The following FRMD6 variants were observed in gnomAD, a reference collection of about 807,000 sequenced individuals.
FRMD6 encodes the protein FERM domain-containing protein 6.
A neutral mutation model predicts 73.2 loss-of-function variants in FRMD6; 37 were observed. The ratio of observed to expected loss-of-function variants is 0.51; its 90% confidence interval spans 0.39 to 0.66. FRMD6 has a LOEUF of 0.66. FRMD6 is among the 30% of genes least tolerant of loss of function. FRMD6 has a pLI of 0.00. For synonymous variants in FRMD6, 273 were observed against 282.2 expected, an observed-to-expected ratio of 0.97 and a Z score of 0.33; for missense variants, 714 against 780.5, an observed-to-expected ratio of 0.91 and a Z score of 1.02.
At chr14:51,484,500 C>T (rs1054136899), upstream of FRMD6, among the ~76,000 whole-genome samples, 1 of 152,194 alleles carries the variant, frequency 6.6e-6, no homozygotes, top group Non-Finnish European at 1.5e-5. Flanking sequence ...AACTTCACTA[C>T]CACCACCAGA....
chr14:51,687,593 A>T (rs2140342926), intron 1 of FRMD6, among the ~76,000 whole-genome samples: 1 of 152,314 alleles, frequency 6.6e-6, no homozygotes, highest in Non-Finnish European at 1.5e-5. Context: ...AGTTTGAGAT[A>T]TACTGCATTA....
chr14:51,457,228 G>C, the FRMD6 span, among the ~76,000 whole-genome samples: 2 of 152,062 alleles, frequency 1.3e-5, no homozygotes, highest in Non-Finnish European at 2.9e-5. Context: ...ATGTATCAAA[G>C]CATCACAATA....
At chr14:51,410,281 T>G in the FRMD6 span, among the ~76,000 whole-genome samples, 5 of 152,326 alleles carry the variant, frequency 3.3e-5, no homozygotes, top group South Asian at 2.1e-4. Context: ...CACCTGTATC[T>G]ATAGGTTATT....
chr14:51,450,981 C>T, the FRMD6 span, among the ~76,000 whole-genome samples: 1 of 152,150 alleles, frequency 6.6e-6, no homozygotes, highest in African/African-American at 2.4e-5. Context: ...AGCTAACCCA[C>T]CTGCAGAGTG....
the FRMD6 span, among the ~76,000 whole-genome samples, chr14:51,412,553 A>G: frequency 3.9e-5 from 6 of 152,160 alleles, no homozygotes; most frequent in Non-Finnish European, 5.9e-5. Flanking sequence ...ATTTTTTTAC[A>G]TAAGATAACA....
the FRMD6 span, among the ~76,000 whole-genome samples, chr14:51,403,746 GTTT>G: frequency 2.0e-5 from 3 of 152,176 alleles, no homozygotes; most frequent in East Asian, 5.8e-4. Context: ...TTTCATATGT[GTTT>G]TTACAAGTAC....
chr14:51,558,019 A>C (rs114963757), intron 1 of FRMD6, among the ~76,000 whole-genome samples: 1,881 of 152,236 alleles, frequency 0.012, 33 homozygotes, highest in African/African-American at 0.042. Flanking sequence ...TGAAGTTTTC[A>C]TGAAGATACC....
chr14:51,619,249 G>C (rs1230317635), intron 2 of FRMD6, among the ~76,000 whole-genome samples: 1 of 152,044 alleles, frequency 6.6e-6, no homozygotes, highest in African/African-American at 2.4e-5. Flanking sequence ...TTTAATACAT[G>C]TACAGGAGGC....
At chr14:51,499,193 G>C (rs1165725813) in intron 1 of FRMD6, among the ~76,000 whole-genome samples, 3 of 152,202 alleles carry the variant, frequency 2.0e-5, no homozygotes, top group Non-Finnish European at 4.4e-5. Context: ...TTTTGTTCCA[G>C]AGAGGAACCT....
At chr14:51,693,088 T>C (rs1342238140) in intron 2 of FRMD6, among the ~76,000 whole-genome samples, 3 of 152,154 alleles carry the variant, frequency 2.0e-5, no homozygotes, top group Non-Finnish European at 4.4e-5. Flanking sequence ...AAGAGTAGTA[T>C]GGAAGTGAAA....
chr14:51,436,051 AC>A, the FRMD6 span: 1 of 180,244 alleles, frequency 5.5e-6, no homozygotes, highest in African/African-American at 2.4e-5. Flanking sequence ...GCCCCCAAAC[AC>A]CTGTCTCCAC....
At chr14:51,478,754 G>T in the FRMD6 span, among the ~76,000 whole-genome samples, 5 of 152,164 alleles carry the variant, frequency 3.3e-5, no homozygotes, top group African/African-American at 9.7e-5. Context: ...AACTAAAAAG[G>T]CATAGTCCCT....
intron 2 of FRMD6, among the ~76,000 whole-genome samples, chr14:51,592,561 A>C (rs1242035444): frequency 6.6e-6 from 1 of 152,222 alleles, no homozygotes; most frequent in Non-Finnish European, 1.5e-5. Context: ...TGACATTTGA[A>C]CACGATGTAA....
the FRMD6 span, among the ~76,000 whole-genome samples, chr14:51,429,009 A>AGAGAGAGGGTGAGAGAGAGAGGGGG: frequency 7.2e-6 from 1 of 138,120 alleles, no homozygotes; most frequent in African/African-American, 2.7e-5. Context: ...GAGAGAGGGG[A>AGAGAGAGGGTGAGAGAGAGAGGGGG]GAGAGAGGGT....
At chr14:51,465,393 A>T in the FRMD6 span, among the ~76,000 whole-genome samples, 1 of 152,226 alleles carries the variant, frequency 6.6e-6, no homozygotes, top group Non-Finnish European at 1.5e-5. Flanking sequence ...GTACATTTCT[A>T]TCAGTCTCAA....
At chr14:51,481,848 G>A in the FRMD6 span, among the ~76,000 whole-genome samples, 1 of 152,206 alleles carries the variant, frequency 6.6e-6, no homozygotes, top group African/African-American at 2.4e-5. Context: ...TATTTTGCCA[G>A]TAGATCAGTA....
chr14:51,644,274 C>T (rs368443165), intron 2 of FRMD6, among the ~76,000 whole-genome samples: 14 of 151,804 alleles, frequency 9.2e-5, no homozygotes, highest in Non-Finnish European at 1.5e-4. Flanking sequence ...CTGAGATATC[C>T]GGCCCAGAAG....
chr14:51,509,379 T>G (rs903738418), intron 1 of FRMD6, among the ~76,000 whole-genome samples: 1 of 151,838 alleles, frequency 6.6e-6, no homozygotes, highest in Non-Finnish European at 1.5e-5. Flanking sequence ...CAAAAAAATT[T>G]AGCCAGGCGT....
intron 3 of FRMD6, among the ~76,000 whole-genome samples, chr14:51,698,704 G>T (rs8020898): frequency 0.6 from 90,289 of 151,618 alleles, 27,158 homozygotes; most frequent in East Asian, 0.66. Context: ...TTTTTCTCTC[G>T]TACCCCTTCT....
Sources: gnomAD v4.1 joint callset for allele counts (sites outside exome capture counted in the v4.1 genomes callset) on GRCh38, gnomAD v4.1.1 for gene constraint, MANE v1.5 for transcripts, NCBI Gene and HGNC (gene_info 2026-07-23, HGNC 2026-07-21) for gene names.